The following ADAMTSL3 variants were observed in gnomAD, a reference collection of about 807,000 sequenced individuals.
ADAMTSL3 encodes the protein ADAMTS like 3.
ADAMTSL3 carries 128 observed loss-of-function variants against 201.7 expected under a neutral mutation model. The ratio of observed to expected loss-of-function variants is 0.63; its 90% confidence interval spans 0.55 to 0.73. ADAMTSL3 has a LOEUF of 0.73. ADAMTSL3 is among the 30% of genes least tolerant of loss of function. The pLI is 0.00. For missense variants in ADAMTSL3, 1,990 were observed against 2,119.6 expected, an observed-to-expected ratio of 0.94 and a Z score of 1.20; for synonymous variants, 738 against 748.4, an observed-to-expected ratio of 0.99 and a Z score of 0.23.
Position 83,869,612 on chromosome 15 carries a change from A to G in ADAMTSL3, c.803-1190A>G, listed in dbSNP as rs539692175. Among the ~76,000 whole-genome samples, 6 of 152,328 alleles carry G rather than the reference A, an allele frequency of 3.9e-5. No homozygotes were observed. In the South Asian group the frequency reaches 1.2e-3, roughly 32 times the overall value. ...CCTGCAGCTGCTCCAGTGACAGAGA[A>G]AAATCCAGCAAATGAAAACAACCAA... On this transcript the variant is annotated intron_variant, in intron 8 of 29. Coordinates refer to ENST00000286744, the MANE Select transcript of ADAMTSL3 (RefSeq NM_207517.3).
At chr15:83,894,616 C>A (rs79200704) in intron 13 of ADAMTSL3, among the ~76,000 whole-genome samples, 12,799 of 152,126 alleles carry the variant, frequency 0.084, 1,784 homozygotes, top group African/African-American at 0.29. Context: ...CATTTGCAAT[C>A]TACTCTCCCC....
intron 16 of ADAMTSL3, among the ~76,000 whole-genome samples, chr15:83,915,062 C>T (rs1405201144): frequency 6.6e-6 from 1 of 152,146 alleles, no homozygotes. Context: ...TGTATGTCTA[C>T]AAAATGCCAG....
At chr15:83,868,848 G>A (rs1445614600) in intron 8 of ADAMTSL3, among the ~76,000 whole-genome samples, 1 of 152,288 alleles carries the variant, frequency 6.6e-6, no homozygotes, top group African/African-American at 2.4e-5. Context: ...GCTAGATTCT[G>A]TATTAAAAAC....
chr15:83,740,255 G>C (rs2062433251), intron 3 of ADAMTSL3: 1 of 156,058 alleles, frequency 6.4e-6, no homozygotes, highest in African/African-American at 2.4e-5. Flanking sequence ...ATATTGATTG[G>C]GTATTAGTAC....
At position 84,021,412 on chromosome 15, in the gene ADAMTSL3, C is replaced by G. The variant is rs539013522; in HGVS notation, c.4276C>G (p.Pro1426Ala). ...DPTGEPPPQEPFWEPGNWSHC... is the reference protein window; with the variant it reads ...DPTGEPPPQEAFWEPGNWSHC... The stretch of plus-strand genomic sequence containing the variant: ...GATATTTTGTTTTCTTTCTGCAGAG[C>G]CTTTTTGGGAGCCTGGTAACTGGTC... Residue 1426 changes from proline (P) to alanine (A), a missense_variant and splice_region_variant, in exon 26 of 30, where the codon CCT becomes GCT. Physicochemically the swap from Pro to Ala is conservative, Grantham distance 27 (BLOSUM62 -1). Transcript: ENST00000286744. 6.2e-7 allele frequency: 1 copy of G among 1,614,036 alleles called. No individual in the cohort carries two copies. Among genetic ancestry groups the G allele is most frequent in the Non-Finnish European group, 8.5e-7 (1 of 1,179,978 alleles).
chr15:83,776,705 G>A lies in ADAMTSL3; in HGVS notation c.317+3055G>A, dbSNP rs369309407. On this transcript the variant is annotated intron_variant, in intron 4 of 29. Coordinates refer to ENST00000286744, the MANE Select transcript of ADAMTSL3 (RefSeq NM_207517.3). ...GCACTCCAGCCTGGGCAATAAGGGC[G>A]AAACTCCGTCTCAAAAAAAAAAAAT... 6.3e-4 allele frequency among the ~76,000 whole-genome samples: 95 copies of A among 151,716 alleles called. No individual in the cohort carries two copies. In the East Asian group the frequency reaches 0.013, roughly 21 times the overall value.
intron 16 of ADAMTSL3, among the ~76,000 whole-genome samples, chr15:83,918,073 T>C (rs1480340496): frequency 6.6e-6 from 1 of 152,232 alleles, no homozygotes; most frequent in Non-Finnish European, 1.5e-5. Flanking sequence ...TTATGAGTTT[T>C]CTAAGTAAAT....
intron 3 of ADAMTSL3, among the ~76,000 whole-genome samples, chr15:83,724,102 T>C (rs1019914213): frequency 2.0e-5 from 3 of 151,896 alleles, no homozygotes; most frequent in African/African-American, 7.2e-5. Flanking sequence ...CATTTATTTT[T>C]ATTTTATTTT....
chr15:83,723,159 T>C (rs571318242), intron 3 of ADAMTSL3, among the ~76,000 whole-genome samples: 1 of 152,188 alleles, frequency 6.6e-6, no homozygotes, highest in Non-Finnish European at 1.5e-5. Flanking sequence ...ACAGTTGTAA[T>C]AGAAAAGCAA....
chr15:83,818,957 G>T (rs902672204), intron 5 of ADAMTSL3, among the ~76,000 whole-genome samples: 1 of 152,060 alleles, frequency 6.6e-6, no homozygotes, highest in African/African-American at 2.4e-5. Flanking sequence ...GGAGCCTGAC[G>T]GGAGGAAAGA....
chr15:84,005,509 AG>A (rs1287272212), intron 23 of ADAMTSL3, among the ~76,000 whole-genome samples: 3 of 152,166 alleles, frequency 2.0e-5, no homozygotes, highest in Non-Finnish European at 4.4e-5. Context: ...GAACTACTGA[AG>A]GTTTTTGGTT....
At chr15:83,671,410 A>T (rs1261197718) in intron 2 of ADAMTSL3, among the ~76,000 whole-genome samples, 1 of 152,190 alleles carries the variant, frequency 6.6e-6, no homozygotes, top group Non-Finnish European at 1.5e-5. Context: ...ACAAAAAGAT[A>T]ATTTGTATTT....
chr15:83,669,995 C>T (rs1595997560), intron 2 of ADAMTSL3, among the ~76,000 whole-genome samples: 2 of 151,658 alleles, frequency 1.3e-5, no homozygotes, highest in African/African-American at 2.4e-5. Context: ...TGGTGGCTCA[C>T]GCTTGTAATC....
intron 17 of ADAMTSL3, among the ~76,000 whole-genome samples, chr15:83,927,853 C>T (rs2066278214): frequency 6.6e-6 from 1 of 152,110 alleles, no homozygotes; most frequent in African/African-American, 2.4e-5. Flanking sequence ...TTTCCAGTCC[C>T]TCCACTAGCC....
At chr15:83,714,769 TTC>T (rs1473777060) in intron 3 of ADAMTSL3, among the ~76,000 whole-genome samples, 1 of 113,840 alleles carries the variant, frequency 8.8e-6, no homozygotes, top group Admixed American at 1.2e-4. Flanking sequence ...TTCTCTTTCT[TTC>T]TTTCTTTCTT....
chr15:83,694,401 T>G (rs1020495307), intron 2 of ADAMTSL3: 7 of 151,810 alleles, frequency 4.6e-5, no homozygotes, highest in Non-Finnish European at 1.0e-4. Context: ...TATCAAGATT[T>G]GAGACAAACA....
At chr15:83,886,287 T>A (rs1341479014) in intron 10 of ADAMTSL3, among the ~76,000 whole-genome samples, 1 of 152,148 alleles carries the variant, frequency 6.6e-6, no homozygotes, top group Non-Finnish European at 1.5e-5. Context: ...GAATAGGGAT[T>A]TATGTTGAAG....
chr15:83,801,665 T>TAA (rs2063523047), intron 4 of ADAMTSL3, among the ~76,000 whole-genome samples: 2 of 64,642 alleles, frequency 3.1e-5, no homozygotes, highest in African/African-American at 1.1e-4. Flanking sequence ...TATATATATA[T>TAA]ATATATATAT....
At chr15:83,658,613 C>G (rs2061123763) in intron 2 of ADAMTSL3, among the ~76,000 whole-genome samples, 1 of 152,238 alleles carries the variant, frequency 6.6e-6, no homozygotes, top group South Asian at 2.1e-4. Flanking sequence ...CTCACAGGCC[C>G]TGGAAGCTTC....
Sources: allele counts gnomAD v4.1 joint callset (sites outside exome capture counted in the v4.1 genomes callset), GRCh38; gene constraint gnomAD v4.1.1; transcripts MANE v1.5; gene names NCBI Gene and HGNC (gene_info 2026-07-23, HGNC 2026-07-21).